Variants in CDKAL1 observed in about 807,000 individuals in gnomAD.
CDKAL1 encodes the protein threonylcarbamoyladenosine tRNA methylthiotransferase.
A neutral mutation model predicts 68.2 loss-of-function variants in CDKAL1; 32 were observed. The observed-to-expected ratio is 0.47, with a 90% CI of 0.35 to 0.63. The LOEUF is 0.63. CDKAL1 is among the 30% of genes least tolerant of loss of function. The pLI, the probability that CDKAL1 is intolerant of heterozygous loss-of-function variation, is 0.00. For synonymous variants in CDKAL1, 234 were observed against 244.3 expected, an observed-to-expected ratio of 0.96 and a Z score of 0.39; for missense variants, 606 against 696.7, an observed-to-expected ratio of 0.87 and a Z score of 1.47.
chr6:20,942,629 A>T (rs1764039752), intron 9 of CDKAL1, among the ~76,000 whole-genome samples: 1 of 148,444 alleles, frequency 6.7e-6, no homozygotes, highest in Non-Finnish European at 1.5e-5. Flanking sequence ...GGCCTCCCAA[A>T]GTGCTGGGAT....
At chr6:21,135,107 CAG>C (rs1316230776) in intron 13 of CDKAL1, among the ~76,000 whole-genome samples, 1 of 152,098 alleles carries the variant, frequency 6.6e-6, no homozygotes, top group Non-Finnish European at 1.5e-5. Flanking sequence ...TTGGAGAAGG[CAG>C]AGTTTGTGTC....
At chr6:20,767,889 G>T (rs908475513) in intron 7 of CDKAL1, among the ~76,000 whole-genome samples, 1 of 152,110 alleles carries the variant, frequency 6.6e-6, no homozygotes, top group Non-Finnish European at 1.5e-5. Context: ...TAATTTGAGG[G>T]AGAGAAAACT....
chr6:21,055,595 C>T (rs1438399304), intron 11 of CDKAL1, among the ~76,000 whole-genome samples: 3 of 152,116 alleles, frequency 2.0e-5, no homozygotes, highest in African/African-American at 4.8e-5. Flanking sequence ...TTGTTCAGCT[C>T]GCACTTATAA....
intron 10 of CDKAL1, among the ~76,000 whole-genome samples, chr6:20,978,078 A>C (rs1302678891): frequency 6.6e-6 from 1 of 152,230 alleles, no homozygotes. Flanking sequence ...CTAAAATTGT[A>C]TGCTTTTTAA....
chr6:20,977,042 A>G (rs1270127102), intron 10 of CDKAL1, among the ~76,000 whole-genome samples: 3 of 152,184 alleles, frequency 2.0e-5, no homozygotes, highest in African/African-American at 7.2e-5. Flanking sequence ...CAGAGTGGGC[A>G]TATGTTTGGC....
At chr6:20,552,792 C>T (rs901242084) in intron 4 of CDKAL1, among the ~76,000 whole-genome samples, 2 of 151,904 alleles carry the variant, frequency 1.3e-5, no homozygotes, top group Non-Finnish European at 2.9e-5. Context: ...AGTCTAGGTG[C>T]TATAGGCCCA....
intron 9 of CDKAL1, among the ~76,000 whole-genome samples, chr6:20,869,594 G>A (rs1760090258): frequency 6.6e-6 from 1 of 152,070 alleles, no homozygotes; most frequent in Non-Finnish European, 1.5e-5. Flanking sequence ...AGTTAAGAAT[G>A]GGTAAAATGG....
At chr6:20,562,012 T>C (rs1193556028) in intron 4 of CDKAL1, among the ~76,000 whole-genome samples, 5 of 152,246 alleles carry the variant, frequency 3.3e-5, no homozygotes, top group African/African-American at 1.2e-4. Context: ...TCCATTCTTA[T>C]TCAATTGGAA....
intron 12 of CDKAL1, among the ~76,000 whole-genome samples, chr6:21,106,617 A>G (rs1773856191): frequency 6.6e-6 from 1 of 152,198 alleles, no homozygotes. Flanking sequence ...TAATACACAT[A>G]AAAATACAGT....
intron 8 of CDKAL1, among the ~76,000 whole-genome samples, chr6:20,832,648 C>A (rs538346190): frequency 6.6e-6 from 1 of 151,998 alleles, no homozygotes; most frequent in South Asian, 2.1e-4. Context: ...AGACTAAGAC[C>A]CTGTCTCTAA....
chr6:20,982,612 GA>G (rs966619527), intron 10 of CDKAL1, among the ~76,000 whole-genome samples: 24 of 143,022 alleles, frequency 1.7e-4, no homozygotes, highest in African/African-American at 4.1e-4. Flanking sequence ...TCCAAAAAAA[GA>G]AAAAAAAAAC....
In CDKAL1 at chr6:21,198,002, C is replaced by T; in HGVS notation, c.1300-19C>T. ...TTTACCCTTATCTTTCCTTTCTTTCCCTCCCCTTCTCTCCACAGATTGGTG... is the reference window on the plus strand; with the variant it reads ...TTTACCCTTATCTTTCCTTTCTTTCTCTCCCCTTCTCTCCACAGATTGGTG... On this transcript the variant is annotated intron_variant, in intron 13 of 15. Transcript: ENST00000274695. 4 of 1,514,976 alleles carry T rather than the reference C, an allele frequency of 2.6e-6. No homozygotes were observed. The highest frequency in any genetic ancestry group is 2.7e-6 in the Non-Finnish European group (3 of 1,103,120). The allele number at this position is 1,514,976 out of a possible 1,614,324, so 93.8% of individuals were successfully genotyped here. A position where few individuals can be genotyped will look rare whatever the true frequency, so the allele number is the denominator to read the frequency against.
At chr6:20,845,363 TATA>T (rs1778338975) in intron 8 of CDKAL1, among the ~76,000 whole-genome samples, 1 of 152,132 alleles carries the variant, frequency 6.6e-6, no homozygotes, top group African/African-American at 2.4e-5. Flanking sequence ...ATTTTAATAT[TATA>T]AGAGTAGAAC....
intron 15 of CDKAL1, among the ~76,000 whole-genome samples, chr6:21,222,282 G>C (rs1779567191): frequency 6.6e-6 from 1 of 152,136 alleles, no homozygotes; most frequent in African/African-American, 2.4e-5. Context: ...GGGGTGAAAG[G>C]GGTAAGGGAA....
intron 12 of CDKAL1, among the ~76,000 whole-genome samples, chr6:21,077,557 T>A (rs1362218401): frequency 6.6e-6 from 1 of 152,220 alleles, no homozygotes. Context: ...AGGAAACTTA[T>A]AATCACTGCA....
chr6:20,771,224 C>G (rs557734850), intron 7 of CDKAL1, among the ~76,000 whole-genome samples: 1 of 152,284 alleles, frequency 6.6e-6, no homozygotes, highest in Admixed American at 6.5e-5. Context: ...TGTACATCCT[C>G]TTTGTTTTAA....
chr6:20,940,209 C>A (rs1477391949), intron 9 of CDKAL1, among the ~76,000 whole-genome samples: 1 of 152,072 alleles, frequency 6.6e-6, no homozygotes, highest in Non-Finnish European at 1.5e-5. Flanking sequence ...TATGTCAATA[C>A]AATCAAGAAA....
chr6:20,765,145 CTTTTTTTT>C (rs573930548), intron 7 of CDKAL1, among the ~76,000 whole-genome samples: 1 of 28,898 alleles, frequency 3.5e-5, no homozygotes, highest in African/African-American at 1.6e-4. Flanking sequence ...TGGTTACATT[CTTTTTTTT>C]TTTTTTTTTT....
rs888176258 is a variant in CDKAL1, at chr6:20,553,664, G to A, written c.286+4959G>A. Among the ~76,000 whole-genome samples the A allele has an allele frequency of 4.5e-4, 69 of 152,188 alleles. 1 individual carries two copies. Among genetic ancestry groups the A allele is most frequent in the Non-Finnish European group, 1.6e-4 (11 of 68,052 alleles). Reference sequence around the variant, plus strand: ...CTCACTCCGCTGCCCAGGCTGGAGTGCAGTAGCACCATCTCGGCTTACTGC... The same window carrying A: ...CTCACTCCGCTGCCCAGGCTGGAGTACAGTAGCACCATCTCGGCTTACTGC... On this transcript the variant is annotated intron_variant, in intron 4 of 15. Coordinates refer to ENST00000274695, the MANE Select transcript of CDKAL1 (RefSeq NM_017774.3).
Sources: gnomAD v4.1 joint callset for allele counts (sites outside exome capture counted in the v4.1 genomes callset) on GRCh38, gnomAD v4.1.1 for gene constraint, MANE v1.5 for transcripts, NCBI Gene and HGNC (gene_info 2026-07-23, HGNC 2026-07-21) for gene names.